The following STXBP5L variants were observed in gnomAD, a reference collection of about 807,000 sequenced individuals.
The protein encoded by STXBP5L is syntaxin-binding protein 5-like.
In STXBP5L, 65 loss-of-function variants were observed where a neutral mutation model predicts 144.5. The observed-to-expected ratio is 0.45, with a 90% confidence interval of 0.37 to 0.55. STXBP5L has a LOEUF of 0.55. Ranked by LOEUF, STXBP5L falls within the 20% of genes least tolerant of loss-of-function variation. The pLI is 0.00. For missense variants in STXBP5L, 1,298 were observed against 1,405.5 expected, an observed-to-expected ratio of 0.92 and a Z score of 1.22; for synonymous variants, 505 against 469.6, an observed-to-expected ratio of 1.08 and a Z score of -0.97.
intron 2 of STXBP5L, among the ~76,000 whole-genome samples, chr3:120,945,687 G>A (rs959609528): frequency 2.6e-5 from 4 of 151,786 alleles, no homozygotes; most frequent in Non-Finnish European, 4.4e-5. Context: ...TTGGCAAAAG[G>A]AGAAGTTCAC....
At chr3:121,189,077 T>C (rs1230873433) in intron 9 of STXBP5L, among the ~76,000 whole-genome samples, 1 of 152,180 alleles carries the variant, frequency 6.6e-6, no homozygotes, top group Non-Finnish European at 1.5e-5. Context: ...TCTTCACCCA[T>C]AATCTCCTTA....
At chr3:121,275,906 G>A (rs972244136) in intron 18 of STXBP5L, among the ~76,000 whole-genome samples, 1 of 151,944 alleles carries the variant, frequency 6.6e-6, no homozygotes, top group African/African-American at 2.4e-5. Flanking sequence ...ATTTAAAGTG[G>A]ATTTGTTGTA....
chr3:121,026,389 C>T (rs1007666534), intron 3 of STXBP5L, among the ~76,000 whole-genome samples: 1 of 152,056 alleles, frequency 6.6e-6, no homozygotes, highest in African/African-American at 2.4e-5. Flanking sequence ...CTCTTTATCA[C>T]ATATTCCTAT....
At chr3:121,070,210 G>T (rs2107658387) in intron 5 of STXBP5L, among the ~76,000 whole-genome samples, 1 of 152,316 alleles carries the variant, frequency 6.6e-6, no homozygotes, top group South Asian at 2.1e-4. Flanking sequence ...ACTACGTGAG[G>T]CGAGAAGTAA....
intron 10 of STXBP5L, among the ~76,000 whole-genome samples, chr3:121,217,648 C>T (rs953655935): frequency 1.3e-5 from 2 of 152,122 alleles, no homozygotes; most frequent in Admixed American, 6.6e-5. Flanking sequence ...AGCCCAGATT[C>T]CGCTTCACTT....
intron 3 of STXBP5L, among the ~76,000 whole-genome samples, chr3:120,973,858 C>T (rs1341756766): frequency 6.6e-6 from 1 of 152,284 alleles, no homozygotes; most frequent in Non-Finnish European, 1.5e-5. Context: ...CCATTCCCTA[C>T]AAAGGACATG....
chr3:120,922,902 A>G (rs1368996923), intron 2 of STXBP5L, among the ~76,000 whole-genome samples: 1 of 151,802 alleles, frequency 6.6e-6, no homozygotes, highest in Non-Finnish European at 1.5e-5. Flanking sequence ...TCCCTCTTCA[A>G]TTTTTTTGAA....
intron 7 of STXBP5L, among the ~76,000 whole-genome samples, chr3:121,128,430 GCTTCTGAGGAGACTGT>G (rs1409669903): frequency 6.6e-6 from 1 of 152,054 alleles, no homozygotes; most frequent in Non-Finnish European, 1.5e-5. Flanking sequence ...TCCCTAGGAG[GCTTCTGAGGAGACTGT>G]CTTCACTTAA....
intron 2 of STXBP5L, among the ~76,000 whole-genome samples, chr3:120,916,558 C>T (rs1352308285): frequency 6.6e-6 from 1 of 152,138 alleles, no homozygotes; most frequent in Admixed American, 6.5e-5. Flanking sequence ...ACCCCAGCCT[C>T]CCAAAGTGCT....
chr3:121,109,498 G>C (rs74583041), intron 5 of STXBP5L, among the ~76,000 whole-genome samples: 178 of 152,236 alleles, frequency 1.2e-3, no homozygotes, highest in African/African-American at 4.2e-3. Flanking sequence ...TCATTCAGGA[G>C]CATGTCGTTG....
intron 20 of STXBP5L, among the ~76,000 whole-genome samples, chr3:121,335,924 A>G (rs1576205201): frequency 1.3e-5 from 2 of 152,170 alleles, no homozygotes; most frequent in African/African-American, 4.8e-5. Flanking sequence ...TAAATGGGAT[A>G]TAATTAAACT....
At chr3:121,288,335 A>G (rs1170021991) in intron 19 of STXBP5L, among the ~76,000 whole-genome samples, 3 of 152,224 alleles carry the variant, frequency 2.0e-5, no homozygotes, top group Non-Finnish European at 4.4e-5. Context: ...ACCACAAGTT[A>G]TATTTCTTCG....
At chr3:121,047,688 C>G (rs1576769299) in intron 5 of STXBP5L, among the ~76,000 whole-genome samples, 1 of 151,998 alleles carries the variant, frequency 6.6e-6, no homozygotes, top group South Asian at 2.1e-4. Flanking sequence ...TTTCTGACTG[C>G]CATTTGCTTG....
intron 5 of STXBP5L, among the ~76,000 whole-genome samples, chr3:121,093,132 A>G (rs1222661594): frequency 2.0e-5 from 3 of 152,218 alleles, no homozygotes; most frequent in East Asian, 1.9e-4. Context: ...CCATTTGATC[A>G]TGGTGGAGAA....
intron 5 of STXBP5L, among the ~76,000 whole-genome samples, chr3:121,097,161 G>T (rs1382327368): frequency 6.6e-6 from 1 of 152,158 alleles, no homozygotes; most frequent in African/African-American, 2.4e-5. Flanking sequence ...AGCTGCACCA[G>T]TGGTGGATGC....
At chr3:121,365,746 G>A (rs1360013662) in intron 20 of STXBP5L, among the ~76,000 whole-genome samples, 1 of 150,898 alleles carries the variant, frequency 6.6e-6, no homozygotes, top group Admixed American at 6.6e-5. Flanking sequence ...GATTTTCTCT[G>A]TGGTTTTTCT....
chr3:120,982,268 T>G (rs989985174), intron 3 of STXBP5L, among the ~76,000 whole-genome samples: 2 of 152,140 alleles, frequency 1.3e-5, no homozygotes, highest in East Asian at 3.9e-4. Context: ...ATGCCCAGTT[T>G]CCAGGAATTC....
At chr3:121,299,518 A>G (rs768251870) in intron 19 of STXBP5L, among the ~76,000 whole-genome samples, 3 of 152,166 alleles carry the variant, frequency 2.0e-5, no homozygotes, top group Admixed American at 6.6e-5. Context: ...ACTAGGAACT[A>G]TCAGTTAACT....
intron 22 of STXBP5L, among the ~76,000 whole-genome samples, chr3:121,396,826 T>C (rs568906939): frequency 7.9e-5 from 12 of 152,370 alleles, no homozygotes; most frequent in South Asian, 6.2e-4. Flanking sequence ...AGCCCTAATG[T>C]GAGTGATGTA....
Sources: gnomAD v4.1 joint callset for allele counts (sites outside exome capture counted in the v4.1 genomes callset) on GRCh38, gnomAD v4.1.1 for gene constraint, MANE v1.5 for transcripts, NCBI Gene and HGNC (gene_info 2026-07-23, HGNC 2026-07-21) for gene names.